The following MRTFA variants were observed in gnomAD, a reference collection of about 807,000 sequenced individuals.
MRTFA encodes myocardin-related transcription factor A.
Under a neutral mutation model 83.5 loss-of-function variants are expected in MRTFA, and 20 were observed. The ratio of observed to expected loss-of-function variants is 0.24; its 90% CI spans 0.17 to 0.35. The LOEUF is 0.35. MRTFA is among the 10% of genes least tolerant of loss of function. The probability of loss-of-function intolerance (pLI) is 1.00; values close to 1 mark genes in which losing one functional copy is unlikely to be tolerated. For synonymous variants in MRTFA, 659 were observed against 541.2 expected (o/e 1.22, Z -3.02); for missense variants, 1,200 against 1,224.7 (o/e 0.98, Z 0.30).
chr22:40,591,100 A>T (rs148646251), intron 2 of MRTFA, among the ~76,000 whole-genome samples: 4 of 152,162 alleles, frequency 2.6e-5, no homozygotes, highest in Non-Finnish European at 2.9e-5. Context: ...GCGCCACTGC[A>T]CTCCAGCCTG....
chr22:40,626,183 G>C (rs1164525247), intron 1 of MRTFA, among the ~76,000 whole-genome samples: 1 of 151,916 alleles, frequency 6.6e-6, no homozygotes, highest in Non-Finnish European at 1.5e-5. Flanking sequence ...ATGGGGTTTC[G>C]CCATCTTGGC....
At chr22:40,417,724 G>A (rs1198123652) in intron 12 of MRTFA, 3 of 537,824 alleles carry the variant, frequency 5.6e-6, no homozygotes, top group South Asian at 4.5e-5. Flanking sequence ...TTTGGGAGAG[G>A]TCTCTGGGCT....
chr22:40,467,634 C>A (rs180736506), intron 3 of MRTFA, among the ~76,000 whole-genome samples: 15 of 151,986 alleles, frequency 9.9e-5, no homozygotes, highest in Admixed American at 9.8e-4. Context: ...TAATACACAT[C>A]CACTCTCACC....
At chr22:40,431,575 T>C in intron 5 of MRTFA, 95 bp from the exon 6 acceptor site, 2 of 1,140,174 alleles carry the variant, frequency 1.8e-6, no homozygotes, top group Non-Finnish European at 2.6e-6. Context: ...TGGTAGCTGC[T>C]GACCACCTCT....
rs80168340 is a variant in MRTFA, at chr22:40,629,456, T to TA, written c.-84+7021dup. Among the ~76,000 whole-genome samples, 73 of 109,904 alleles carry TA rather than the reference T, an allele frequency of 6.6e-4. 1 individual carries two copies. Among genetic ancestry groups the TA allele is most frequent in the Admixed American group, 9.6e-4 (10 of 10,396 alleles). 72.1% of individuals were successfully genotyped at this position (109,904 alleles called of 152,430 possible). ...GCAAGACTCCGTCTCAAAACATAAT[T>TA]AAAAAAAAAAAAATTACCCAAGCAG... On this transcript the variant is annotated intron_variant, in intron 1 of 14. Transcript: ENST00000355630.
At chr22:40,477,830 G>C (rs1382143172) in intron 3 of MRTFA, among the ~76,000 whole-genome samples, 1 of 151,834 alleles carries the variant, frequency 6.6e-6, no homozygotes, top group Non-Finnish European at 1.5e-5. Context: ...GGAGGGAAAG[G>C]AATGAAAAAG....
At chr22:40,436,692 G>A (rs1038551909) in intron 4 of MRTFA, among the ~76,000 whole-genome samples, 1 of 150,474 alleles carries the variant, frequency 6.6e-6, no homozygotes, top group Non-Finnish European at 1.5e-5. Context: ...AGGATGAGAG[G>A]GAAAGGCCTG....
intron 3 of MRTFA, among the ~76,000 whole-genome samples, chr22:40,531,911 A>G (rs1409484995): frequency 6.6e-6 from 1 of 152,242 alleles, no homozygotes; most frequent in Admixed American, 6.5e-5. Flanking sequence ...TGGAGATATC[A>G]GTTTGCTATT....
At chr22:40,560,053 A>G (rs910181903) in intron 2 of MRTFA, among the ~76,000 whole-genome samples, 2 of 152,228 alleles carry the variant, frequency 1.3e-5, no homozygotes, top group African/African-American at 2.4e-5. Flanking sequence ...AGGGGATTTC[A>G]AAAGTTTCAG....
chr22:40,522,331 C>T (rs1017506663), intron 3 of MRTFA: 1 of 152,218 alleles, frequency 6.6e-6, no homozygotes, highest in Admixed American at 6.6e-5. Context: ...CCCCTCAGCT[C>T]GGAGGGCACA....
chr22:40,464,330 A>C (rs1224681578), intron 3 of MRTFA, among the ~76,000 whole-genome samples: 1 of 150,822 alleles, frequency 6.6e-6, no homozygotes, highest in Non-Finnish European at 1.5e-5. Flanking sequence ...AAAAAAAAAA[A>C]AACAACTATC....
At chr22:40,547,140 G>C (rs1357885525) in intron 3 of MRTFA, among the ~76,000 whole-genome samples, 4 of 151,964 alleles carry the variant, frequency 2.6e-5, no homozygotes, top group Admixed American at 2.6e-4. Flanking sequence ...GGGCGACAGA[G>C]TGAGACTCCA....
chr22:40,521,655 C>G (rs1413780697), intron 3 of MRTFA: 1 of 152,062 alleles, frequency 6.6e-6, no homozygotes, highest in African/African-American at 2.4e-5. Context: ...CCCGCTACCA[C>G]GCCTGGCCAA....
At chr22:40,613,775 T>C (rs1023250591) in intron 1 of MRTFA, among the ~76,000 whole-genome samples, 2 of 152,094 alleles carry the variant, frequency 1.3e-5, no homozygotes, top group African/African-American at 4.8e-5. Context: ...CCAGGCGTAG[T>C]GGCGCACACC....
intron 3 of MRTFA, among the ~76,000 whole-genome samples, chr22:40,465,711 A>T (rs2053802389): frequency 6.6e-6 from 1 of 151,696 alleles, no homozygotes; most frequent in Admixed American, 6.6e-5. Context: ...TAGGTGCATG[A>T]CACCATGCCC....
At chr22:40,499,136 T>C (rs2054412182) in intron 3 of MRTFA, among the ~76,000 whole-genome samples, 2 of 152,238 alleles carry the variant, frequency 1.3e-5, no homozygotes, top group African/African-American at 4.8e-5. Context: ...ATTCACATCT[T>C]AGTGAATTCA....
intron 3 of MRTFA, among the ~76,000 whole-genome samples, chr22:40,494,320 G>A (rs1391281811): frequency 6.6e-6 from 1 of 152,096 alleles, no homozygotes; most frequent in Non-Finnish European, 1.5e-5. Context: ...AGCTATATGT[G>A]AATATTCGTA....
At chr22:40,480,286 T>A (rs2147183351) in intron 3 of MRTFA, among the ~76,000 whole-genome samples, 1 of 152,146 alleles carries the variant, frequency 6.6e-6, no homozygotes, top group South Asian at 2.1e-4. Flanking sequence ...TTTTTTTTTT[T>A]TATGTTTTGT....
intron 3 of MRTFA, among the ~76,000 whole-genome samples, chr22:40,513,285 C>A (rs2054697875): frequency 6.6e-6 from 1 of 152,154 alleles, no homozygotes; most frequent in Admixed American, 6.6e-5. Flanking sequence ...CACTAACACT[C>A]TTGGTTTGAG....
Sources: gnomAD v4.1 joint callset for allele counts (sites outside exome capture counted in the v4.1 genomes callset) on GRCh38, gnomAD v4.1.1 for gene constraint, MANE v1.5 for transcripts, NCBI Gene and HGNC (gene_info 2026-07-23, HGNC 2026-07-21) for gene names.